The following ABCB10 variants were observed in gnomAD, a reference collection of about 807,000 sequenced individuals.
ABCB10 encodes the protein ATP binding cassette subfamily B member 10, also known as ATP-binding cassette sub-family B member 10, mitochondrial.
Under a neutral mutation model 65.4 loss-of-function variants are expected in ABCB10, and 54 were observed. The ratio of observed to expected loss-of-function variants is 0.83; its 90% confidence interval spans 0.66 to 1.04. The LOEUF is 1.04. ABCB10 is among the 50% of genes least tolerant of loss of function. The pLI, the probability that ABCB10 is intolerant of heterozygous loss-of-function variation, is 0.00. For synonymous variants in ABCB10, 418 were observed against 406.5 expected, an observed-to-expected ratio of 1.03 and a Z score of -0.34; for missense variants, 846 against 976.6, an observed-to-expected ratio of 0.87 and a Z score of 1.78.
intron 12 of ABCB10, 80 bp downstream of exon 12, chr1:229,518,761 G>T: frequency 8.5e-7 from 1 of 1,179,060 alleles, no homozygotes; most frequent in Non-Finnish European, 1.2e-6. Context: ...TCACTTTGAG[G>T]TACAGAATTA....
Position 229,558,631 on chromosome 1 carries a change from GC to G in ABCB10, c.21del (p.Trp7CysfsTer20). The G allele has an allele frequency of 7.1e-7, 1 of 1,399,976 alleles. No individual in the cohort carries two copies. The allele number at this position is 1,399,976 out of a possible 1,614,324, so 86.7% of individuals were successfully genotyped here. On this transcript the variant is annotated frameshift_variant, in exon 1 of 13. Coordinates refer to ENST00000344517, the MANE Select transcript of ABCB10 (RefSeq NM_012089.3). LOFTEE classifies it high-confidence loss of function. ...CTCGGTGGCTCGAGCAGCCGCAGCGGCCAGGCAGGGGGGCCTCGCATGGCGC... is the reference window on the plus strand; with the variant it reads ...CTCGGTGGCTCGAGCAGCCGCAGCGGCAGGCAGGGGGGCCTCGCATGGCGC... MRGPPA[W>X]PLRLLEPPSP...
chr1:229,521,217 G>A (rs1662306510), intron 11 of ABCB10, among the ~76,000 whole-genome samples: 1 of 152,064 alleles, frequency 6.6e-6, no homozygotes. Flanking sequence ...CTTCAAGTCT[G>A]TACTATTCAC....
chr1:229,558,337 C>CA lies in ABCB10; in HGVS notation c.315dup (p.Ala106CysfsTer62). On this transcript the variant is annotated frameshift_variant, in exon 1 of 13. Coordinates refer to ENST00000344517, the MANE Select transcript of ABCB10 (RefSeq NM_012089.3). LOFTEE classifies it high-confidence loss of function. ...GGGAGCCGAGGAGCGCCTGGCCCGGCAAAAGCCCCGCACCTGCAGCTGCCG... is the reference window on the plus strand; with the variant it reads ...GGGAGCCGAGGAGCGCCTGGCCCGGCAAAAAGCCCCGCACCTGCAGCTGCCG... The CA allele has an allele frequency of 8.0e-7, 1 of 1,256,890 alleles. No individual in the cohort carries two copies. The allele number at this position is 1,256,890 out of a possible 1,614,324, so 77.9% of individuals were successfully genotyped here.
intron 8 of ABCB10, among the ~76,000 whole-genome samples, chr1:229,529,859 G>A (rs1662537817): frequency 6.6e-6 from 1 of 152,032 alleles, no homozygotes; most frequent in Non-Finnish European, 1.5e-5. Context: ...CAGGCACTCT[G>A]TCCTGGCTGC....
chr1:229,553,679 C>T (rs925452753), intron 1 of ABCB10, among the ~76,000 whole-genome samples: 1 of 151,174 alleles, frequency 6.6e-6, no homozygotes, highest in Non-Finnish European at 1.5e-5. Flanking sequence ...CTAGGAGGGC[C>T]GTTTTGAGGT....
intron 2 of ABCB10, 64 bp from the exon 3 acceptor site, chr1:229,547,765 C>T: frequency 6.5e-7 from 1 of 1,530,574 alleles, no homozygotes; most frequent in East Asian, 2.3e-5. Flanking sequence ...TATGGGGCAG[C>T]CACTTACTGT....
At chr1:229,536,643 T>C (rs573773898) in intron 6 of ABCB10, among the ~76,000 whole-genome samples, 1 of 152,290 alleles carries the variant, frequency 6.6e-6, no homozygotes, top group South Asian at 2.1e-4. Flanking sequence ...TAATGAAATA[T>C]TATTCAACCA....
chr1:229,547,353 T>C (rs1414491861), intron 3 of ABCB10, 146 bp downstream of exon 3: 4 of 817,060 alleles, frequency 4.9e-6, no homozygotes, highest in Non-Finnish European at 7.6e-6. Context: ...ATCCCCACGT[T>C]CCAGCAGCTT....
At chr1:229,524,833 T>A (rs1662396859) in intron 10 of ABCB10, among the ~76,000 whole-genome samples, 1 of 151,988 alleles carries the variant, frequency 6.6e-6, no homozygotes, top group Non-Finnish European at 1.5e-5. Context: ...GTGACAGCCA[T>A]CATATGTGAC....
At chr1:229,547,478 A>AG in intron 3 of ABCB10, 21 bp downstream of exon 3, 1 of 1,611,802 alleles carries the variant, frequency 6.2e-7, no homozygotes, top group Non-Finnish European at 8.5e-7. Flanking sequence ...GAAGGTACCA[A>AG]GGGGAACCAG....
intron 6 of ABCB10, among the ~76,000 whole-genome samples, chr1:229,535,754 C>T (rs187798115): frequency 3.4e-4 from 50 of 149,078 alleles, no homozygotes; most frequent in African/African-American, 1.2e-3. Context: ...GAGACAGAGT[C>T]TCACTCTGTC....
chr1:229,525,205 C>G (rs1662411255), intron 10 of ABCB10, among the ~76,000 whole-genome samples: 1 of 152,056 alleles, frequency 6.6e-6, no homozygotes, highest in Admixed American at 6.6e-5. Context: ...TTTGTCAAAC[C>G]CTGGTCTAGT....
chr1:229,524,036 AT>A (rs1299060894), intron 10 of ABCB10, among the ~76,000 whole-genome samples: 4 of 151,912 alleles, frequency 2.6e-5, no homozygotes, highest in Non-Finnish European at 4.4e-5. Context: ...TTTGTTTTAT[AT>A]TTTCTGTGGT....
intron 3 of ABCB10, among the ~76,000 whole-genome samples, chr1:229,544,097 G>A (rs1443671579): frequency 6.6e-6 from 1 of 152,204 alleles, no homozygotes; most frequent in East Asian, 1.9e-4. Flanking sequence ...ACAGGGTGCT[G>A]GCACCATAAT....
chr1:229,544,748 T>C (rs925913608), intron 3 of ABCB10, among the ~76,000 whole-genome samples: 5 of 152,290 alleles, frequency 3.3e-5, no homozygotes, highest in African/African-American at 1.2e-4. Context: ...GTAACTAAGG[T>C]TAAATGAGGT....
rs371048636 is a variant in ABCB10 at position 229,522,235 on chromosome 1, T to C, written c.1907-600A>G. Among the ~76,000 whole-genome samples, 7 of 147,754 alleles carry C rather than the reference T, an allele frequency of 4.7e-5. No individual in the cohort carries two copies. The East Asian group carries it at 6.3e-4, about 13-fold the overall frequency. On this transcript the variant is annotated intron_variant, in intron 10 of 12. Transcript: ENST00000344517. ...TTATTTTAAATAATTTCAAACAAGG[T>C]CTTGCTCTGTCACCCAGCTGGAGTG... is the stretch of plus-strand genomic sequence containing the variant.
intron 6 of ABCB10, among the ~76,000 whole-genome samples, chr1:229,532,206 C>A (rs906973207): frequency 1.1e-4 from 16 of 152,174 alleles, no homozygotes; most frequent in African/African-American, 3.9e-4. Flanking sequence ...CCCGCCTCAG[C>A]CTCCCAAAGT....
chr1:229,525,372 T>C (rs1193713412), intron 10 of ABCB10, among the ~76,000 whole-genome samples: 1 of 152,120 alleles, frequency 6.6e-6, no homozygotes, highest in Non-Finnish European at 1.5e-5. Context: ...GTTGTTGTTT[T>C]TCAGATGAAA....
In ABCB10 at chr1:229,549,132, G is replaced by C. The variant is rs1043749528; in HGVS notation, c.718+102C>G. 4.0e-6 allele frequency: 5 copies of C among 1,245,630 alleles called. No homozygotes were observed. The Admixed American group carries it at 9.1e-5, about 23-fold the overall frequency. 77.2% of individuals were successfully genotyped at this position (1,245,630 alleles called of 1,614,324 possible). ...TAATGGGATGCCAGGAAGAGAGGAA[G>C]AGAATGGAGCCTGGAGCACATGAGA... On this transcript the variant is annotated intron_variant, in intron 2 of 12. Transcript: ENST00000344517.
Sources: gnomAD v4.1 joint callset for allele counts (sites outside exome capture counted in the v4.1 genomes callset) on GRCh38, gnomAD v4.1.1 for gene constraint, MANE v1.5 for transcripts, NCBI Gene and HGNC (gene_info 2026-07-23, HGNC 2026-07-21) for gene names.